Variants in NYAP2 observed in about 807,000 individuals in gnomAD.
NYAP2 encodes neuronal tyrosine-phosphorylated phosphoinositide-3-kinase adaptor 2, also known as neuronal tyrosine-phosphorylated phosphoinositide-3-kinase adapter 2.
Under a neutral mutation model 50.4 loss-of-function variants are expected in NYAP2, and 23 were observed. The ratio of observed to expected loss-of-function variants is 0.46; its 90% CI spans 0.33 to 0.65. The LOEUF (loss-of-function observed/expected upper bound fraction) is 0.65. Among genes scored for constraint, NYAP2 ranks in the 30% least tolerant of loss-of-function variants. The pLI, the probability that NYAP2 is intolerant of heterozygous loss-of-function variation, is 0.02. For missense variants in NYAP2, 885 were observed against 861.0 expected, an observed-to-expected ratio of 1.03 and a Z score of -0.35; for synonymous variants, 394 against 365.2, an observed-to-expected ratio of 1.08 and a Z score of -0.90.
At chr2:225,518,996 C>A (rs1016458330) in intron 4 of NYAP2, among the ~76,000 whole-genome samples, 1 of 151,644 alleles carries the variant, frequency 6.6e-6, no homozygotes, top group African/African-American at 2.4e-5. Context: ...GAAGCCTGGG[C>A]GACTGAGTGA....
At chr2:225,597,210 A>G (rs1476353672) in intron 5 of NYAP2, among the ~76,000 whole-genome samples, 3 of 151,870 alleles carry the variant, frequency 2.0e-5, no homozygotes, top group Non-Finnish European at 4.4e-5. Flanking sequence ...TAAGTCCTTT[A>G]GTGGTGATAT....
intron 4 of NYAP2, among the ~76,000 whole-genome samples, chr2:225,525,657 A>G (rs1691137705): frequency 6.6e-6 from 1 of 152,140 alleles, no homozygotes; most frequent in Non-Finnish European, 1.5e-5. Context: ...GGGCTGAAAA[A>G]TCATCTAGTG....
chr2:225,545,819 G>C (rs1019662653), intron 4 of NYAP2, among the ~76,000 whole-genome samples: 5 of 152,084 alleles, frequency 3.3e-5, no homozygotes, highest in African/African-American at 1.2e-4. Flanking sequence ...GGGCTTGTTT[G>C]TGCCTGTCCT....
intron 3 of NYAP2, among the ~76,000 whole-genome samples, chr2:225,417,728 G>A (rs936586196): frequency 6.6e-6 from 1 of 152,032 alleles, no homozygotes; most frequent in East Asian, 1.9e-4. Flanking sequence ...GAAGAGGGCC[G>A]TTACCAAGGA....
At chr2:225,606,710 T>A (rs115191763) in intron 5 of NYAP2, among the ~76,000 whole-genome samples, 1 of 152,168 alleles carries the variant, frequency 6.6e-6, no homozygotes, top group Non-Finnish European at 1.5e-5. Flanking sequence ...TTGCATCCAA[T>A]AGATAATTGG....
At chr2:225,438,971 C>T (rs892479949) in intron 3 of NYAP2, among the ~76,000 whole-genome samples, 1 of 152,088 alleles carries the variant, frequency 6.6e-6, no homozygotes, top group South Asian at 2.1e-4. Context: ...GAGAATGTTC[C>T]GGGTAAGTGA....
intron 3 of NYAP2, among the ~76,000 whole-genome samples, chr2:225,435,930 T>C (rs1478546870): frequency 6.6e-6 from 1 of 152,250 alleles, no homozygotes; most frequent in African/African-American, 2.4e-5. Context: ...GTAAACGAGA[T>C]ATACTATCTC....
At chr2:225,525,266 A>T (rs535439831) in intron 4 of NYAP2, among the ~76,000 whole-genome samples, 1 of 152,128 alleles carries the variant, frequency 6.6e-6, no homozygotes, top group Non-Finnish European at 1.5e-5. Flanking sequence ...ATTTCATCAA[A>T]TGTTTTCTTT....
chr2:225,572,452 G>C (rs553706674), intron 4 of NYAP2, among the ~76,000 whole-genome samples: 5 of 152,200 alleles, frequency 3.3e-5, no homozygotes, highest in Non-Finnish European at 2.9e-5. Flanking sequence ...GTGCAGGAGA[G>C]AGAATGAGTG....
intron 5 of NYAP2, among the ~76,000 whole-genome samples, chr2:225,626,188 A>G (rs907377420): frequency 1.3e-5 from 2 of 152,226 alleles, no homozygotes; most frequent in African/African-American, 2.4e-5. Flanking sequence ...AGTTGGATAA[A>G]TGAATGTAAA....
At chr2:225,657,303 G>A (rs1009429905), downstream of NYAP2, among the ~76,000 whole-genome samples, 10 of 151,426 alleles carry the variant, frequency 6.6e-5, no homozygotes, top group Non-Finnish European at 1.2e-4. Context: ...GTAGAGACGG[G>A]GTTTCACCAT....
At chr2:225,591,927 C>A (rs771449975) in intron 5 of NYAP2, among the ~76,000 whole-genome samples, 4 of 152,000 alleles carry the variant, frequency 2.6e-5, no homozygotes, top group Non-Finnish European at 4.4e-5. Flanking sequence ...TTTTGGGCAC[C>A]CTTCAAAACT....
intron 5 of NYAP2, among the ~76,000 whole-genome samples, chr2:225,624,497 T>G (rs1336122118): frequency 2.0e-5 from 3 of 152,228 alleles, no homozygotes; most frequent in Non-Finnish European, 4.4e-5. Context: ...GGGTGGTTGT[T>G]TAGCTTTTAG....
At chr2:225,525,103 A>G (rs968749386) in intron 4 of NYAP2, among the ~76,000 whole-genome samples, 10 of 152,192 alleles carry the variant, frequency 6.6e-5, no homozygotes, top group Admixed American at 5.2e-4. Context: ...CAAAGATGCA[A>G]AGAAAAGGGA....
chr2:225,481,620 G>T (rs1690208392), intron 3 of NYAP2, among the ~76,000 whole-genome samples: 1 of 152,020 alleles, frequency 6.6e-6, no homozygotes, highest in Admixed American at 6.6e-5. Flanking sequence ...ATGTTTACCT[G>T]TGAGCTACTT....
chr2:225,653,446 G>A (rs957357742), exon 7 of NYAP2: 1 of 152,180 alleles, frequency 6.6e-6, no homozygotes, highest in Non-Finnish European at 1.5e-5. Context: ...TCACCTGATG[G>A]GAAGTTCTTC....
intron 4 of NYAP2, among the ~76,000 whole-genome samples, chr2:225,531,154 A>C (rs570548925): frequency 1.3e-5 from 2 of 152,204 alleles, no homozygotes; most frequent in East Asian, 3.9e-4. Flanking sequence ...CATTAGCATG[A>C]CCTTTTTCAT....
the NYAP2 span, among the ~76,000 whole-genome samples, chr2:225,685,043 T>C: frequency 6.6e-6 from 1 of 152,176 alleles, no homozygotes; most frequent in Admixed American, 6.5e-5. Flanking sequence ...TTAGGCTCAT[T>C]TTGGGAAATG....
chr2:225,472,595 C>T (rs886259513), intron 3 of NYAP2, among the ~76,000 whole-genome samples: 7 of 151,996 alleles, frequency 4.6e-5, no homozygotes, highest in Admixed American at 4.6e-4. Context: ...AAAAAGGGAC[C>T]AATTTTCAAG....
Sources: allele counts gnomAD v4.1 joint callset (sites outside exome capture counted in the v4.1 genomes callset), GRCh38; gene constraint gnomAD v4.1.1; transcripts MANE v1.5; gene names NCBI Gene and HGNC (gene_info 2026-07-23, HGNC 2026-07-21).